TBC1D13: variants seen among roughly 807,000 people sequenced by gnomAD.
TBC1D13 encodes the protein epididymis secretory sperm binding protein.
A neutral mutation model predicts 53.6 loss-of-function variants in TBC1D13; 40 were observed. The ratio of observed to expected loss-of-function variants is 0.75; its 90% CI spans 0.58 to 0.97. The LOEUF is 0.97. TBC1D13 is among the 50% of genes least tolerant of loss of function. TBC1D13 has a pLI of 0.00. For missense variants in TBC1D13, 377 were observed against 499.4 expected (o/e 0.75, Z 2.34); for synonymous variants, 182 against 197.7 (o/e 0.92, Z 0.67).
Position 128,806,289 on chromosome 9 carries a change from C to T in TBC1D13, c.1115C>T (p.Thr372Ile). ...IREQLLEGDF[T>I]VNMRLLQDYP... is the part of the protein sequence containing the mutation. Reference sequence around the variant, plus strand: ...GAGCAGTTGCTGGAAGGGGACTTCACTGTGAATATGCGGCTGCTGCAGGTA... The same window carrying T: ...GAGCAGTTGCTGGAAGGGGACTTCATTGTGAATATGCGGCTGCTGCAGGTA... Residue 372 changes from threonine to isoleucine, a missense_variant, in exon 11 of 12, where the codon ACT (threonine) becomes ATT (isoleucine). By Grantham distance (89) the Thr-to-Ile change is moderately conservative. Coordinates refer to ENST00000372648, the MANE Select transcript of TBC1D13 (RefSeq NM_018201.5). 6.2e-7 allele frequency: 1 copy of T among 1,614,154 alleles called. No individual in the cohort carries two copies. The highest frequency in any genetic ancestry group is 1.7e-4 in the Middle Eastern group (1 of 6,060).
chr9:128,789,937 C>G (rs1829500189), intron 2 of TBC1D13: 1 of 151,762 alleles, frequency 6.6e-6, no homozygotes. Context: ...GAAGGAATAT[C>G]AAGGATGAGA....
chr9:128,805,152 A>G (rs189976470), intron 9 of TBC1D13, among the ~76,000 whole-genome samples: 1 of 152,236 alleles, frequency 6.6e-6, no homozygotes, highest in Non-Finnish European at 1.5e-5. Flanking sequence ...TGAGCAACAT[A>G]GTGAAGCTTT....
chr9:128,804,720 G>GTTTTTTTTTTTTTTTTT, intron 9 of TBC1D13, among the ~76,000 whole-genome samples: 1 of 56,392 alleles, frequency 1.8e-5, no homozygotes, highest in Non-Finnish European at 3.0e-5. Context: ...TTTTTTTTCT[G>GTTTTTTTTTTTTTTTTT]TTTTTTTTTT....
At chr9:128,798,354 G>T (rs1031323018) in intron 7 of TBC1D13, among the ~76,000 whole-genome samples, 1 of 152,204 alleles carries the variant, frequency 6.6e-6, no homozygotes, top group Non-Finnish European at 1.5e-5. Flanking sequence ...GGGAGGCCAC[G>T]GGGTGGCTAG....
intron 11 of TBC1D13, among the ~76,000 whole-genome samples, 195 bp downstream of exon 11, chr9:128,806,506 G>A (rs1829837326): frequency 6.6e-6 from 1 of 152,200 alleles, no homozygotes; most frequent in African/African-American, 2.4e-5. Flanking sequence ...AATGTTGGGT[G>A]GCCTTGAGCA....
intron 10 of TBC1D13, 100 bp from the exon 11 acceptor site, chr9:128,806,154 G>C: frequency 6.3e-7 from 1 of 1,599,216 alleles, no homozygotes; most frequent in Non-Finnish European, 8.5e-7. Flanking sequence ...TCCTTGGGAG[G>C]GCGACAAACC....
chr9:128,805,813 A>G, intron 9 of TBC1D13, 46 bp from the exon 10 acceptor site: 1 of 1,592,838 alleles, frequency 6.3e-7, no homozygotes, highest in Non-Finnish European at 8.6e-7. Flanking sequence ...CATGGCCGGC[A>G]GCCAACACAG....
intron 7 of TBC1D13, among the ~76,000 whole-genome samples, chr9:128,799,977 C>T (rs1485218709): frequency 5.3e-5 from 8 of 152,322 alleles, no homozygotes; most frequent in Admixed American, 2.6e-4. Context: ...GCCGAAATCG[C>T]GCCACTGCAC....
chr9:128,804,023 C>T lies in TBC1D13; in HGVS notation c.822C>T (p.Ile274=), dbSNP rs199566205. The change falls in exon 9 of 12, where the codon ATC becomes ATT. Residue 274 remains isoleucine (I), a synonymous_variant. Transcript: ENST00000372648. ...NLMAEIRDNF[I]KSLDDSQCGI... is the part of the protein sequence containing the mutation. ...TGGCCGAGATCCGGGACAACTTTAT[C>T]AAGAGCCTGGATGACTCGCAGTGTG... 5.6e-6 allele frequency: 9 copies of T among 1,614,068 alleles called. No individual in the cohort carries two copies. The highest frequency in any genetic ancestry group is 7.6e-6 in the Non-Finnish European group (9 of 1,180,036).
At position 128,804,045 on chromosome 9, in the gene TBC1D13, T is replaced by G; in HGVS notation, c.844T>G (p.Cys282Gly). The change falls in exon 9 of 12, where the codon TGT becomes GGT. Residue 282 changes from cysteine to glycine, a missense_variant. By Grantham distance (159) the Cys-to-Gly change is radical. Transcript: ENST00000372648. ...TATCAAGAGCCTGGATGACTCGCAG[T>G]GTGGCATCACCTACAAGATGGAGAA... The part of the protein sequence containing the change: ...NFIKSLDDSQ[C>G]GITYKMEKVY... 3 of 1,614,100 alleles carry G rather than the reference T, an allele frequency of 1.9e-6. No homozygotes were observed. The highest frequency in any genetic ancestry group is 1.7e-6 in the Non-Finnish European group (2 of 1,180,034).
At chr9:128,794,326 A>G (rs1269138485) in intron 6 of TBC1D13, among the ~76,000 whole-genome samples, 1 of 152,220 alleles carries the variant, frequency 6.6e-6, no homozygotes, top group Non-Finnish European at 1.5e-5. Flanking sequence ...AGGCTGCAGG[A>G]AAAAGGAGGC....
Position 128,807,885 on chromosome 9 carries a change from C to T in TBC1D13, c.*6C>T, listed in dbSNP as rs778569985. On this transcript the variant is annotated 3_prime_UTR_variant, in exon 12 of 12. Coordinates refer to ENST00000372648, the MANE Select transcript of TBC1D13 (RefSeq NM_018201.5). ...AGCTCCAAGACTCAAAGTAGCCCGGCGGCAAGAGGCCCATGTTCCGGAGAG... is the reference window on the plus strand; with the variant it reads ...AGCTCCAAGACTCAAAGTAGCCCGGTGGCAAGAGGCCCATGTTCCGGAGAG... 16 of 1,613,904 alleles carry T rather than the reference C, an allele frequency of 9.9e-6. No individual in the cohort carries two copies. The highest frequency in any genetic ancestry group is 2.2e-5 in the East Asian group (1 of 44,896).
chr9:128,807,082 TTTG>T (rs1270482457), intron 11 of TBC1D13, among the ~76,000 whole-genome samples: 1 of 138,608 alleles, frequency 7.2e-6, no homozygotes, highest in Non-Finnish European at 1.5e-5. Flanking sequence ...TTAGTGTTGC[TTTG>T]TTGTTGTTTT....
chr9:128,789,346 A>G (rs1174072310), intron 2 of TBC1D13, among the ~76,000 whole-genome samples: 4 of 142,954 alleles, frequency 2.8e-5, no homozygotes, highest in Non-Finnish European at 4.5e-5. Flanking sequence ...AGAACTTCTT[A>G]TATTGTCCCT....
In TBC1D13 at chr9:128,809,583, G is replaced by C. The variant is rs944631402; in HGVS notation, c.*1704G>C. On this transcript the variant is annotated 3_prime_UTR_variant, in exon 12 of 12. Coordinates refer to ENST00000372648, the MANE Select transcript of TBC1D13 (RefSeq NM_018201.5). ...CAGAGCACAGTATTTGGGAGACTTTGACTATTTATTCAGACTCCTGGCTAT... is the reference window on the plus strand; with the variant it reads ...CAGAGCACAGTATTTGGGAGACTTTCACTATTTATTCAGACTCCTGGCTAT... 28 of 152,230 alleles carry C rather than the reference G, an allele frequency of 1.8e-4. No individual in the cohort carries two copies. The highest frequency in any genetic ancestry group is 6.5e-4 in the African/African-American group (27 of 41,458). 9.4% of individuals were successfully genotyped at this position (152,230 alleles called of 1,614,324 possible).
chr9:128,792,714 AG>A, intron 6 of TBC1D13, 140 bp downstream of exon 6: 1 of 733,210 alleles, frequency 1.4e-6, no homozygotes, highest in Admixed American at 2.4e-5. Context: ...GGTTGGGTCC[AG>A]GCACTATTGA....
intron 3 of TBC1D13, 81 bp from the exon 4 acceptor site, chr9:128,791,296 TTTC>T (rs1194302148): frequency 6.1e-6 from 8 of 1,313,068 alleles, no homozygotes; most frequent in Non-Finnish European, 7.7e-6. Context: ...ATGAGATGTT[TTTC>T]TTGAGGCCTG....
chr9:128,789,084 G>A (rs1182509458), intron 2 of TBC1D13, among the ~76,000 whole-genome samples: 1 of 152,120 alleles, frequency 6.6e-6, no homozygotes, highest in Non-Finnish European at 1.5e-5. Context: ...CATTTTGGGA[G>A]GCCAAGGCAG....
intron 5 of TBC1D13, 51 bp from the exon 6 acceptor site, chr9:128,792,441 C>A: frequency 6.4e-7 from 1 of 1,564,838 alleles, no homozygotes; most frequent in South Asian, 1.1e-5. Context: ...TAGAATCGGG[C>A]CCCGGGGCCT....
Sources: gnomAD v4.1 joint callset for allele counts (sites outside exome capture counted in the v4.1 genomes callset) on GRCh38, gnomAD v4.1.1 for gene constraint, MANE v1.5 for transcripts, NCBI Gene and HGNC (gene_info 2026-07-23, HGNC 2026-07-21) for gene names.